The following TSPAN16 variants were observed in gnomAD, a reference collection of about 807,000 sequenced individuals.
TSPAN16 encodes the protein tetraspanin-16.
Under a neutral mutation model 25.2 loss-of-function variants are expected in TSPAN16, and 23 were observed. That is an observed-to-expected ratio of 0.91 (90% CI 0.66 to 1.29). The LOEUF is 1.29. Ranked by LOEUF, TSPAN16 falls within the 50% of genes most tolerant of loss-of-function variation. The probability of loss-of-function intolerance (pLI) is 0.00; values close to 1 mark genes in which losing one functional copy is unlikely to be tolerated. For missense variants in TSPAN16, 272 were observed against 299.9 expected (o/e 0.91, Z 0.69); for synonymous variants, 123 against 124.4 (o/e 0.99, Z 0.08).
chr19:11,296,835 A>C (rs1444103976), intron 1 of TSPAN16, among the ~76,000 whole-genome samples: 1 of 152,042 alleles, frequency 6.6e-6, no homozygotes, highest in Non-Finnish European at 1.5e-5. Flanking sequence ...TCAGGAGTTC[A>C]AGACCAGCCT....
intron 4 of TSPAN16, among the ~76,000 whole-genome samples, chr19:11,303,428 G>A (rs542731137): frequency 8.9e-4 from 129 of 145,266 alleles, no homozygotes; most frequent in South Asian, 1.6e-3. Flanking sequence ...GCGGAAGGCC[G>A]CAGGGTCCTC....
intron 5 of TSPAN16, among the ~76,000 whole-genome samples, chr19:11,308,770 G>A (rs2080658294): frequency 6.6e-6 from 1 of 152,008 alleles, no homozygotes; most frequent in Admixed American, 6.6e-5. Context: ...ACCGCGCCTG[G>A]CCTAATTTTT....
At chr19:11,310,399 C>A (rs2080677551) in intron 5 of TSPAN16, among the ~76,000 whole-genome samples, 1 of 151,880 alleles carries the variant, frequency 6.6e-6, no homozygotes, top group Non-Finnish European at 1.5e-5. Flanking sequence ...CCTGTAACTC[C>A]AGCTACTTGG....
At position 11,315,914 on chromosome 19, in the gene TSPAN16, T is replaced by A; in HGVS notation, c.*76T>A. On this transcript the variant is annotated 3_prime_UTR_variant, in exon 7 of 7. Coordinates refer to ENST00000590327, the MANE Select transcript of TSPAN16 (RefSeq NM_001282509.2). ...ATTCAGTCTCAGTTTTATTTCTCTG[T>A]GGCACTCACTGCTTCTGGAGGGGAG... is the stretch of plus-strand genomic sequence containing the variant. 2 of 1,231,382 alleles carry A rather than the reference T, an allele frequency of 1.6e-6. No homozygotes were observed. The highest frequency in any genetic ancestry group is 2.0e-6 in the Non-Finnish European group (2 of 987,510). The allele number at this position is 1,231,382 out of a possible 1,614,324, so 76.3% of individuals were successfully genotyped here. A position where few individuals can be genotyped will look rare whatever the true frequency, so the allele number is the denominator to read the frequency against.
At chr19:11,301,361 C>G in intron 4 of TSPAN16, 53 bp downstream of exon 4, 1 of 1,412,298 alleles carries the variant, frequency 7.1e-7, no homozygotes, top group East Asian at 2.3e-5. Context: ...ACAACATGGG[C>G]GGGCGAAGTG....
At chr19:11,307,503 C>T (rs1334606558) in intron 5 of TSPAN16, among the ~76,000 whole-genome samples, 2 of 151,840 alleles carry the variant, frequency 1.3e-5, no homozygotes, top group Admixed American at 1.3e-4. Flanking sequence ...ACTGCAGCCT[C>T]AAACTCCTGG....
chr19:11,302,908 T>A (rs1395196009), intron 4 of TSPAN16, among the ~76,000 whole-genome samples: 280 of 144,824 alleles, frequency 1.9e-3, no homozygotes, highest in African/African-American at 7.1e-3. Context: ...TTTTTGTAGA[T>A]ATGGGGTTTC....
downstream of TSPAN16, chr19:11,316,118 G>GTGGT (rs1568295764): frequency 1.6e-4 from 17 of 106,238 alleles, no homozygotes; most frequent in African/African-American, 5.1e-4. Context: ...TGTGTGTGTG[G>GTGGT]TTTTTTTTTT....
intron 5 of TSPAN16, 79 bp downstream of exon 5, chr19:11,306,835 G>T: frequency 7.0e-7 from 1 of 1,433,590 alleles, no homozygotes. Context: ...CTTATTTTGA[G>T]AAAGAGTTTC....
chr19:11,299,006 A>G (rs2147934366), intron 3 of TSPAN16, 60 bp downstream of exon 3: 1 of 1,543,820 alleles, frequency 6.5e-7, no homozygotes, highest in Non-Finnish European at 8.9e-7. Flanking sequence ...AAGGACGGGC[A>G]CAGTGGCTCA....
intron 2 of TSPAN16, 133 bp downstream of exon 2, chr19:11,298,472 T>C: frequency 1.2e-6 from 1 of 836,634 alleles, no homozygotes; most frequent in Middle Eastern, 3.6e-4. Context: ...TTTCACTCTG[T>C]CGCCCAGGCT....
chr19:11,302,070 C>T (rs1169519012), intron 4 of TSPAN16, among the ~76,000 whole-genome samples: 4 of 152,068 alleles, frequency 2.6e-5, no homozygotes, highest in African/African-American at 7.2e-5. Context: ...GTGATCCACC[C>T]GCCTTGGCAT....
intron 6 of TSPAN16, among the ~76,000 whole-genome samples, chr19:11,313,206 A>C (rs561547707): frequency 7.4e-4 from 113 of 152,276 alleles, no homozygotes; most frequent in Non-Finnish European, 7.4e-4. Context: ...AAGATATTGC[A>C]ATGACATAAG....
At chr19:11,318,656 C>CTT (rs74180018), downstream of TSPAN16, among the ~76,000 whole-genome samples, 3,154 of 149,190 alleles carry the variant, frequency 0.021, 39 homozygotes, top group Non-Finnish European at 0.031. Flanking sequence ...TTTTCTTTTT[C>CTT]TTTTTTTTTT....
At chr19:11,303,582 A>T (rs1022662281) in intron 4 of TSPAN16, among the ~76,000 whole-genome samples, 232 of 147,282 alleles carry the variant, frequency 1.6e-3, no homozygotes, top group Non-Finnish European at 2.4e-3. Context: ...TAAATTAAAA[A>T]AAAAAAAAAA....
chr19:11,307,415 C>T (rs1464416717), intron 5 of TSPAN16, among the ~76,000 whole-genome samples: 3 of 150,842 alleles, frequency 2.0e-5, no homozygotes, highest in Non-Finnish European at 3.0e-5. Context: ...CCACCACACC[C>T]GGCCTTATTT....
intron 3 of TSPAN16, 126 bp from the exon 4 acceptor site, chr19:11,301,075 G>C (rs1373527046): frequency 1.4e-6 from 1 of 720,828 alleles, no homozygotes; most frequent in African/African-American, 1.8e-5. Flanking sequence ...CCTGAGCTGA[G>C]GGTAGGAAAA....
At chr19:11,312,086 C>A in intron 5 of TSPAN16, 53 bp from the exon 6 acceptor site, 1 of 1,395,658 alleles carries the variant, frequency 7.2e-7, no homozygotes, top group African/African-American at 1.4e-5. Context: ...TGGGGACTTG[C>A]AATCCATAAG....
downstream of TSPAN16, among the ~76,000 whole-genome samples, chr19:11,320,454 C>G (rs433281): frequency 0.42 from 63,891 of 151,830 alleles, 16,809 homozygotes; most frequent in African/African-American, 0.75. Flanking sequence ...AAGGCGGGAG[C>G]ATGGCTGGAA....
Sources: allele counts gnomAD v4.1 joint callset (sites outside exome capture counted in the v4.1 genomes callset), GRCh38; gene constraint gnomAD v4.1.1; transcripts MANE v1.5; gene names NCBI Gene and HGNC (gene_info 2026-07-23, HGNC 2026-07-21).